LYPLA2: variants seen among roughly 807,000 people sequenced by gnomAD.
LYPLA2 encodes acyl-protein thioesterase 2.
A neutral mutation model predicts 30.3 loss-of-function variants in LYPLA2; 7 were observed. The observed-to-expected ratio is 0.23, with a 90% confidence interval of 0.13 to 0.43. The LOEUF (loss-of-function observed/expected upper bound fraction) is 0.43, where lower values mean the gene tolerates loss of function less well. LYPLA2 is among the 20% of genes least tolerant of loss of function. The pLI is 1.00. For synonymous variants in LYPLA2, 112 were observed against 118.2 expected (o/e 0.95, Z 0.34); for missense variants, 206 against 307.9 (o/e 0.67, Z 2.48).
chr1:23,793,087 C>T lies in LYPLA2; in HGVS notation c.110+48C>T. On this transcript the variant is annotated intron_variant, in intron 3 of 9. Coordinates refer to ENST00000374514, the MANE Select transcript of LYPLA2 (RefSeq NM_007260.3). The surrounding 1 kb of genome is among the most constrained non-coding windows in gnomAD (Gnocchi z 6.0). Reference sequence around the variant, plus strand: ...TCCTTAAGGAGGGGTCCTGGCCCAGCAGCGGACTGGAGAGGCCTTCTCTTC... The same window carrying T: ...TCCTTAAGGAGGGGTCCTGGCCCAGTAGCGGACTGGAGAGGCCTTCTCTTC... 6.2e-7 allele frequency: 1 copy of T among 1,613,098 alleles called. No homozygotes were observed. Among genetic ancestry groups the T allele is most frequent in the Non-Finnish European group, 8.5e-7 (1 of 1,179,146 alleles).
chr1:23,792,785 C>T, intron 2 of LYPLA2, 25 bp downstream of exon 2: 1 of 1,584,690 alleles, frequency 6.3e-7, no homozygotes. Context: ...TCACCCACGG[C>T]CAGACACTGT....
Position 23,793,183 on chromosome 1 carries a change from G to C in LYPLA2, c.143G>C (p.Arg48Pro), listed in dbSNP as rs368040980. ...HSWADALSTI[R>P]LPHVKYICPH... ...TGGGCTGACGCCCTCTCCACCATCC[G>C]GCTCCCTCACGTCAAGTACATCTGT... is the stretch of plus-strand genomic sequence containing the variant. The change falls in exon 4 of 10, where the codon CGG (arginine) becomes CCG (proline). Residue 48 changes from arginine to proline, a missense_variant. Coordinates refer to ENST00000374514, the MANE Select transcript of LYPLA2 (RefSeq NM_007260.3). This position sits in a 1 kb window ranked among gnomAD's most constrained non-coding sequence, Gnocchi z 6.0. 1 of 1,613,926 alleles carries C rather than the reference G, an allele frequency of 6.2e-7. No individual in the cohort carries two copies.
At chr1:23,791,567 G>C (rs923140205) in intron 1 of LYPLA2, among the ~76,000 whole-genome samples, 3 of 152,058 alleles carry the variant, frequency 2.0e-5, no homozygotes, top group Non-Finnish European at 4.4e-5. Context: ...CACTGGGTAG[G>C]GTGACCTTTG....
chr1:23,793,568 T>G lies in LYPLA2; in HGVS notation c.177-137T>G, dbSNP rs1638843956. The G allele has an allele frequency of 1.2e-6, 1 of 864,586 alleles. No homozygotes were observed. Among genetic ancestry groups the G allele is most frequent in the Non-Finnish European group, 1.9e-6 (1 of 520,196 alleles). The allele number at this position is 864,586 out of a possible 1,614,324, so 53.6% of individuals were successfully genotyped here. A position where few individuals can be genotyped will look rare whatever the true frequency, so the allele number is the denominator to read the frequency against. The stretch of plus-strand genomic sequence containing the variant: ...CAGCCTCCAGCCCCACGTGGCAGGT[T>G]GCCTGGCAACACCTTAAACACAGGC... On this transcript the variant is annotated intron_variant, in intron 4 of 9. Coordinates refer to ENST00000374514, the MANE Select transcript of LYPLA2 (RefSeq NM_007260.3). The surrounding 1 kb of genome is among the most constrained non-coding windows in gnomAD (Gnocchi z 6.0).
chr1:23,794,631 T>G lies in LYPLA2; in HGVS notation c.645+31T>G, dbSNP rs761968029. On this transcript the variant is annotated intron_variant, in intron 9 of 9. Transcript: ENST00000374514. This position sits in a 1 kb window ranked among gnomAD's most constrained non-coding sequence, Gnocchi z 5.9. The stretch of plus-strand genomic sequence containing the variant: ...TGGGGGGACCATTTCCCACTCCCAC[T>G]TCTCTGCCTCCAGCCAGGTGCCTCT... 29 of 1,613,996 alleles carry G rather than the reference T, an allele frequency of 1.8e-5. No homozygotes were observed. Among genetic ancestry groups the G allele is most frequent in the African/African-American group, 2.7e-5 (2 of 74,908 alleles).
intron 1 of LYPLA2, 121 bp downstream of exon 1, chr1:23,791,371 G>GGC (rs1021335280): frequency 2.0e-5 from 3 of 152,210 alleles, no homozygotes; most frequent in African/African-American, 2.4e-5. Context: ...GAGGTGCGAA[G>GGC]GCGCTGTCCA....
At position 23,793,371 on chromosome 1, in the gene LYPLA2, C is replaced by T. The variant is rs1165845961; in HGVS notation, c.176+155C>T. On this transcript the variant is annotated intron_variant, in intron 4 of 9. Transcript: ENST00000374514. This position sits in a 1 kb window ranked among gnomAD's most constrained non-coding sequence, Gnocchi z 6.0. The stretch of plus-strand genomic sequence containing the variant: ...TTTCAGCCTGAGCTCCTGTGGAGCC[C>T]CCAGGAGTGGGGTCCAGCACCAGCC... Among the ~76,000 whole-genome samples, 2 of 152,108 alleles carry T rather than the reference C, an allele frequency of 1.3e-5. No individual in the cohort carries two copies. The highest frequency in any genetic ancestry group is 4.8e-5 in the African/African-American group (2 of 41,418).
In LYPLA2 at chr1:23,793,188, C is replaced by G; in HGVS notation, c.148C>G (p.Pro50Ala). The G allele has an allele frequency of 6.2e-7, 1 of 1,613,978 alleles. No homozygotes were observed. Among genetic ancestry groups the G allele is most frequent in the Non-Finnish European group, 8.5e-7 (1 of 1,179,936 alleles). ...TGACGCCCTCTCCACCATCCGGCTC[C>G]CTCACGTCAAGTACATCTGTCCCCA... ...WADALSTIRLPHVKYICPHAP... is the reference protein window; with the variant it reads ...WADALSTIRLAHVKYICPHAP... Residue 50 changes from proline (P) to alanine (A), a missense_variant, in exon 4 of 10, where the codon CCT (proline) becomes GCT (alanine). Pro to Ala is a conservative substitution (Grantham distance 27). Coordinates refer to ENST00000374514, the MANE Select transcript of LYPLA2 (RefSeq NM_007260.3). This position sits in a 1 kb window ranked among gnomAD's most constrained non-coding sequence, Gnocchi z 6.0.
In LYPLA2 at chr1:23,793,110, T is replaced by C; in HGVS notation, c.111-41T>C. 1 of 1,613,698 alleles carries C rather than the reference T, an allele frequency of 6.2e-7. No homozygotes were observed. The highest frequency in any genetic ancestry group is 2.2e-5 in the East Asian group (1 of 44,884). Reference sequence around the variant, plus strand: ...AGCAGCGGACTGGAGAGGCCTTCTCTTCCTACCACATCGGAGCCTTTTCTC... The same window carrying C: ...AGCAGCGGACTGGAGAGGCCTTCTCCTCCTACCACATCGGAGCCTTTTCTC... On this transcript the variant is annotated intron_variant, in intron 3 of 9. Coordinates refer to ENST00000374514, the MANE Select transcript of LYPLA2 (RefSeq NM_007260.3). This position sits in a 1 kb window ranked among gnomAD's most constrained non-coding sequence, Gnocchi z 6.0.
At position 23,793,718 on chromosome 1, in the gene LYPLA2, G is replaced by C. The variant is rs779565899; in HGVS notation, c.190G>C (p.Val64Leu). Reference protein sequence around the residue: ...YICPHAPRIPVTLNMKMVMPS... With the variant: ...YICPHAPRIPLTLNMKMVMPS... ...CTCTTTCCCCAGGCCTAGGATCCCT[G>C]TGACCCTCAACATGAAGATGGTGAT... The change falls in exon 5 of 10, where the codon GTG (valine) becomes CTG (leucine). Residue 64 changes from valine (V) to leucine (L), a missense_variant. Transcript: ENST00000374514. The surrounding 1 kb of genome is among the most constrained non-coding windows in gnomAD (Gnocchi z 6.0). 2.5e-6 allele frequency: 4 copies of C among 1,614,136 alleles called. No homozygotes were observed. The highest frequency in any genetic ancestry group is 2.5e-6 in the Non-Finnish European group (3 of 1,179,990).
Position 23,793,193 on chromosome 1 carries a change from C to A in LYPLA2, c.153C>A (p.His51Gln), listed in dbSNP as rs371799001. The A allele has an allele frequency of 6.2e-7, 1 of 1,613,950 alleles. No homozygotes were observed. The highest frequency in any genetic ancestry group is 1.1e-5 in the South Asian group (1 of 91,080). Residue 51 changes from histidine to glutamine, a missense_variant, in exon 4 of 10, where the codon CAC becomes CAA. By Grantham distance (24) the His-to-Gln change is conservative. Transcript: ENST00000374514. The surrounding 1 kb of genome is among the most constrained non-coding windows in gnomAD (Gnocchi z 6.0). ...CCCTCTCCACCATCCGGCTCCCTCACGTCAAGTACATCTGTCCCCATGCGT... is the reference window on the plus strand; with the variant it reads ...CCCTCTCCACCATCCGGCTCCCTCAAGTCAAGTACATCTGTCCCCATGCGT... ...ADALSTIRLP[H>Q]VKYICPHAPR... is the part of the protein sequence containing the mutation.
At chr1:23,792,233 T>G (rs913064196) in intron 1 of LYPLA2, among the ~76,000 whole-genome samples, 5 of 151,662 alleles carry the variant, frequency 3.3e-5, no homozygotes, top group Non-Finnish European at 5.9e-5. Flanking sequence ...CACTTTTCTC[T>G]CCATTTCCCA....
chr1:23,794,468 C>A lies in LYPLA2; in HGVS notation c.513C>A (p.Cys171Ter). Residue 171 changes from cysteine (C) to a stop codon, truncating the protein, a stop_gained, in exon 9 of 10, where the codon TGC becomes TGA. Transcript: ENST00000374514. LOFTEE classifies it high-confidence loss of function. The surrounding 1 kb of genome is among the most constrained non-coding windows in gnomAD (Gnocchi z 5.9). ...GSAKDLAILQCHGELDPMVPV... is the reference protein window; with the variant it reads ...GSAKDLAILQ ...CCAAGGACCTGGCCATACTCCAGTG[C>A]CATGGGGAGCTGGACCCCATGGTGC... 6.2e-7 allele frequency: 1 copy of A among 1,614,100 alleles called. No homozygotes were observed. Among genetic ancestry groups the A allele is most frequent in the Admixed American group, 1.7e-5 (1 of 60,004 alleles).
rs1638863071 is a variant in LYPLA2 at position 23,794,048 on chromosome 1, T to A, written c.296-15T>A. The A allele has an allele frequency of 6.2e-7, 1 of 1,609,824 alleles. No homozygotes were observed. The highest frequency in any genetic ancestry group is 8.5e-7 in the Non-Finnish European group (1 of 1,177,390). On this transcript the variant is annotated splice_polypyrimidine_tract_variant and intron_variant, in intron 6 of 9. Coordinates refer to ENST00000374514, the MANE Select transcript of LYPLA2 (RefSeq NM_007260.3). The surrounding 1 kb of genome is among the most constrained non-coding windows in gnomAD (Gnocchi z 5.9). The stretch of plus-strand genomic sequence containing the variant: ...TTGGCAGCTTCCCTCTACCCACTCA[T>A]GCCCCCTCCCCCAGTCAAGGCCTTG...
Position 23,794,804 on chromosome 1 carries a change from T to C in LYPLA2, c.*72T>C, listed in dbSNP as rs902918749. On this transcript the variant is annotated 3_prime_UTR_variant, in exon 10 of 10. Coordinates refer to ENST00000374514, the MANE Select transcript of LYPLA2 (RefSeq NM_007260.3). The surrounding 1 kb of genome is among the most constrained non-coding windows in gnomAD (Gnocchi z 5.9). ...CAAGCAAGCGTGGCACCATCTTGGA[T>C]CTGAGCCGGTCGAGCCCCTGTCCCC... is the stretch of plus-strand genomic sequence containing the variant. 1 of 1,551,462 alleles carries C rather than the reference T, an allele frequency of 6.4e-7. No individual in the cohort carries two copies. Among genetic ancestry groups the C allele is most frequent in the South Asian group, 1.1e-5 (1 of 87,964 alleles).
In LYPLA2 at chr1:23,793,643, T is replaced by A; in HGVS notation, c.177-62T>A. On this transcript the variant is annotated intron_variant, in intron 4 of 9. Coordinates refer to ENST00000374514, the MANE Select transcript of LYPLA2 (RefSeq NM_007260.3). This position sits in a 1 kb window ranked among gnomAD's most constrained non-coding sequence, Gnocchi z 6.0. ...GGGGCGGCGCGGCCCCACTCCGGGC[T>A]CTGAGCTCTGGCCTCCTCATTCCTC... The A allele has an allele frequency of 6.4e-7, 1 of 1,564,858 alleles. No individual in the cohort carries two copies. Among genetic ancestry groups the A allele is most frequent in the African/African-American group, 1.4e-5 (1 of 74,044 alleles).
rs767438572 is a variant in LYPLA2 at position 23,794,788 on chromosome 1, G to A, written c.*56G>A. The A allele has an allele frequency of 1.0e-4, 167 of 1,597,000 alleles. No homozygotes were observed. The highest frequency in any genetic ancestry group is 1.6e-4 in the East Asian group (7 of 44,642). ...CTCATGGGGGACTCAGCAAGCAAGC[G>A]TGGCACCATCTTGGATCTGAGCCGG... On this transcript the variant is annotated 3_prime_UTR_variant, in exon 10 of 10. Coordinates refer to ENST00000374514, the MANE Select transcript of LYPLA2 (RefSeq NM_007260.3). This position sits in a 1 kb window ranked among gnomAD's most constrained non-coding sequence, Gnocchi z 5.9.
Position 23,794,314 on chromosome 1 carries a change from G to A in LYPLA2, c.460G>A (p.Ala154Thr). Residue 154 changes from alanine (A) to threonine (T), a missense_variant, in exon 8 of 10, where the codon GCC (alanine) becomes ACC (threonine). Physicochemically the swap from Ala to Thr is moderately conservative, Grantham distance 58. Coordinates refer to ENST00000374514, the MANE Select transcript of LYPLA2 (RefSeq NM_007260.3). This position sits in a 1 kb window ranked among gnomAD's most constrained non-coding sequence, Gnocchi z 5.9. The stretch of plus-strand genomic sequence containing the variant: ...GAGCTGCTGGCTGCCTCTGCACCGG[G>A]CCTTCCCCCAGGTGAATGTCCCCAC... ...ALSCWLPLHR[A>T]FPQAANGSAK... 1 of 1,612,478 alleles carries A rather than the reference G, an allele frequency of 6.2e-7. No individual in the cohort carries two copies. Among genetic ancestry groups the A allele is most frequent in the South Asian group, 1.1e-5 (1 of 90,950 alleles).
In LYPLA2 at chr1:23,794,121, G is replaced by T; in HGVS notation, c.354G>T (p.Leu118=). The change falls in exon 7 of 10, where the codon CTG becomes CTT. Residue 118 remains leucine (L), a synonymous_variant. Transcript: ENST00000374514. This position sits in a 1 kb window ranked among gnomAD's most constrained non-coding sequence, Gnocchi z 5.9. ...KNGIPANRIV[L]GGFSQGGALS... ...GGATCCCTGCCAATCGAATCGTCCT[G>T]GGAGGCTTTTCACAGGTGAGGGGAG... 6.2e-7 allele frequency: 1 copy of T among 1,611,780 alleles called. No homozygotes were observed. Among genetic ancestry groups the T allele is most frequent in the Non-Finnish European group, 8.5e-7 (1 of 1,178,334 alleles).
Sources: gnomAD v4.1 joint callset for allele counts (sites outside exome capture counted in the v4.1 genomes callset) on GRCh38, gnomAD v4.1.1 for gene constraint, Gnocchi (gnomAD v3.1) non-coding constraint, MANE v1.5 for transcripts, NCBI Gene and HGNC (gene_info 2026-07-23, HGNC 2026-07-21) for gene names.